Variants in GPC6 observed in about 807,000 individuals in gnomAD.
GPC6 encodes glypican-6.
A neutral mutation model predicts 55.2 loss-of-function variants in GPC6; 14 were observed. The ratio of observed to expected loss-of-function variants is 0.25; its 90% CI spans 0.17 to 0.40. GPC6 has a LOEUF of 0.40. Among genes scored for constraint, GPC6 ranks in the 10% least tolerant of loss-of-function variants. GPC6 has a pLI of 1.00. For missense variants in GPC6, 641 were observed against 708.5 expected (o/e 0.90, Z 1.08); for synonymous variants, 278 against 259.6 (o/e 1.07, Z -0.68).
chr13:93,601,492 C>G (rs1033735461), intron 2 of GPC6, among the ~76,000 whole-genome samples: 1 of 152,158 alleles, frequency 6.6e-6, no homozygotes, highest in African/African-American at 2.4e-5. Flanking sequence ...TTAATGGATT[C>G]TCCTCTGTAT....
chr13:93,887,916 A>G (rs1875440937), intron 3 of GPC6, among the ~76,000 whole-genome samples: 1 of 152,162 alleles, frequency 6.6e-6, no homozygotes, highest in South Asian at 2.1e-4. Context: ...GCATCAGGAC[A>G]TTCTGACTAC....
chr13:93,529,333 A>G (rs1485709197), intron 1 of GPC6, among the ~76,000 whole-genome samples: 1 of 152,040 alleles, frequency 6.6e-6, no homozygotes, highest in African/African-American at 2.4e-5. Flanking sequence ...ACTTGCTAAG[A>G]AATCAAGTAG....
In GPC6 at chr13:94,404,925, T is replaced by C. The variant is rs1238281375; in HGVS notation, c.*1708T>C. On this transcript the variant is annotated 3_prime_UTR_variant, in exon 9 of 9. Transcript: ENST00000377047. The stretch of plus-strand genomic sequence containing the variant: ...ATACAGTTGGCTATCCATATGTTTC[T>C]TAGTTTTTATGATGCATCTGGAGTA... 7 of 152,220 alleles carry C rather than the reference T, an allele frequency of 4.6e-5. No homozygotes were observed. The highest frequency in any genetic ancestry group is 8.8e-5 in the Non-Finnish European group (6 of 68,032). 9.4% of individuals were successfully genotyped at this position (152,220 alleles called of 1,614,324 possible).
intron 1 of GPC6, among the ~76,000 whole-genome samples, chr13:93,376,847 G>T (rs1290742174): frequency 6.6e-6 from 1 of 151,040 alleles, no homozygotes; most frequent in Non-Finnish European, 1.5e-5. Context: ...ACCAGTTTAG[G>T]CATTTCCAGA....
chr13:94,333,793 C>A (rs1272109513), intron 6 of GPC6, among the ~76,000 whole-genome samples: 2 of 152,152 alleles, frequency 1.3e-5, no homozygotes, highest in African/African-American at 4.8e-5. Flanking sequence ...CTTTCCACTG[C>A]AACAGGCTGC....
chr13:93,847,859 G>C (rs1888247911), intron 3 of GPC6, among the ~76,000 whole-genome samples: 1 of 152,134 alleles, frequency 6.6e-6, no homozygotes, highest in Non-Finnish European at 1.5e-5. Context: ...ACCATGTTCT[G>C]AATACACACA....
rs1028909744 is a variant in GPC6 at position 93,957,868 on chromosome 13, C to A, written c.712-69861C>A. Among the ~76,000 whole-genome samples, 12 of 152,204 alleles carry A rather than the reference C, an allele frequency of 7.9e-5. 1 individual carries two copies. Among genetic ancestry groups the A allele is most frequent in the Admixed American group, 5.9e-4 (9 of 15,276 alleles). On this transcript the variant is annotated intron_variant, in intron 3 of 8. Transcript: ENST00000377047. ...GTGTATAAGCATTCCCTTATCTGTG[C>A]AGCCTCAATTATATTTGAGTTTTTA...
intron 2 of GPC6, among the ~76,000 whole-genome samples, chr13:93,590,981 T>C (rs1289999110): frequency 2.0e-5 from 3 of 151,250 alleles, no homozygotes; most frequent in Non-Finnish European, 4.4e-5. Flanking sequence ...AAACTTAAAG[T>C]ATAATAATAA....
At chr13:93,503,775 G>T (rs773208139) in intron 1 of GPC6, among the ~76,000 whole-genome samples, 1 of 152,108 alleles carries the variant, frequency 6.6e-6, no homozygotes, top group Admixed American at 6.6e-5. Flanking sequence ...AGAGAAAAGT[G>T]AATGCTAATA....
chr13:93,799,421 A>C (rs765190532), intron 2 of GPC6, among the ~76,000 whole-genome samples: 1 of 152,222 alleles, frequency 6.6e-6, no homozygotes, highest in Non-Finnish European at 1.5e-5. Flanking sequence ...AACAATCCAC[A>C]TACTAATTTT....
chr13:94,381,889 C>A (rs548848346), intron 6 of GPC6, among the ~76,000 whole-genome samples: 1 of 152,344 alleles, frequency 6.6e-6, no homozygotes, highest in South Asian at 2.1e-4. Flanking sequence ...TGGTTTATTG[C>A]TTACCACCCA....
intron 1 of GPC6, among the ~76,000 whole-genome samples, chr13:93,270,090 CAA>C (rs1355095157): frequency 6.8e-6 from 1 of 146,376 alleles, no homozygotes; most frequent in Non-Finnish European, 1.5e-5. Flanking sequence ...CTATGGCTCT[CAA>C]AAAAAAAATT....
chr13:93,764,952 A>C (rs1885067321), intron 2 of GPC6, among the ~76,000 whole-genome samples: 1 of 152,012 alleles, frequency 6.6e-6, no homozygotes, highest in Non-Finnish European at 1.5e-5. Context: ...GGCGCGTGCC[A>C]CCACGTCCAG....
At chr13:93,833,814 C>T (rs1447120192) in intron 3 of GPC6, among the ~76,000 whole-genome samples, 6 of 152,112 alleles carry the variant, frequency 3.9e-5, no homozygotes, top group Admixed American at 3.9e-4. Context: ...TGCTTGCCAT[C>T]TTATGGATAC....
chr13:93,250,065 C>T (rs1876732798), intron 1 of GPC6, among the ~76,000 whole-genome samples: 1 of 152,168 alleles, frequency 6.6e-6, no homozygotes, highest in Non-Finnish European at 1.5e-5. Context: ...GTGGCTTTGA[C>T]TCCTGGCTCC....
Position 94,207,003 on chromosome 13 carries a change from G to A in GPC6, c.878-79346G>A, listed in dbSNP as rs138551707. Among the ~76,000 whole-genome samples, 3 of 152,162 alleles carry A rather than the reference G, an allele frequency of 2.0e-5. No homozygotes were observed. In the East Asian group the frequency reaches 5.8e-4, roughly 29 times the overall value. ...ATTTCTTTACCCTAAATCATCTCATGACCAAGTAACAGATGACTAGAGACA... is the reference window on the plus strand; with the variant it reads ...ATTTCTTTACCCTAAATCATCTCATAACCAAGTAACAGATGACTAGAGACA... On this transcript the variant is annotated intron_variant, in intron 4 of 8. Coordinates refer to ENST00000377047, the MANE Select transcript of GPC6 (RefSeq NM_005708.5).
At chr13:93,262,874 T>G (rs895294501) in intron 1 of GPC6, among the ~76,000 whole-genome samples, 15 of 152,032 alleles carry the variant, frequency 9.9e-5, no homozygotes, top group African/African-American at 3.6e-4. Flanking sequence ...CAGGGATGAG[T>G]CAGTCAGAAA....
chr13:93,894,811 A>C (rs186932237), intron 3 of GPC6, among the ~76,000 whole-genome samples: 1 of 152,192 alleles, frequency 6.6e-6, no homozygotes, highest in Non-Finnish European at 1.5e-5. Flanking sequence ...ATACACATAA[A>C]AATTCAAATT....
intron 1 of GPC6, among the ~76,000 whole-genome samples, chr13:93,231,345 ACATATATATATATACG>A (rs1566533263): frequency 2.0e-3 from 73 of 36,344 alleles, no homozygotes; most frequent in African/African-American, 8.7e-3. Context: ...ATATATATAT[ACATATATATATATACG>A]TATATATATA....
Sources: allele counts gnomAD v4.1 joint callset (sites outside exome capture counted in the v4.1 genomes callset), GRCh38; gene constraint gnomAD v4.1.1; transcripts MANE v1.5; gene names NCBI Gene and HGNC (gene_info 2026-07-23, HGNC 2026-07-21).